The following MAN1A1 variants were observed in gnomAD, a reference collection of about 807,000 sequenced individuals.
MAN1A1 encodes mannosyl-oligosaccharide 1,2-alpha-mannosidase IA.
In MAN1A1, 29 loss-of-function variants were observed where a neutral mutation model predicts 70.8. The observed-to-expected ratio is 0.41, with a 90% CI of 0.31 to 0.56. The LOEUF is 0.56. Ranked by LOEUF, MAN1A1 falls within the 20% of genes least tolerant of loss-of-function variation. The pLI is 0.29. For synonymous variants in MAN1A1, 349 were observed against 330.1 expected, an observed-to-expected ratio of 1.06 and a Z score of -0.62; for missense variants, 747 against 841.3, an observed-to-expected ratio of 0.89 and a Z score of 1.39.
rs1440475874 is a variant in MAN1A1, at chr6:119,317,567, TTTTTAGTGTTGAATAA to T, written c.604-10591_604-10576del. Among the ~76,000 whole-genome samples the T allele has an allele frequency of 9.2e-5, 14 of 152,324 alleles. 1 individual carries two copies. The East Asian group carries it at 2.7e-3, about 29-fold the overall frequency. On this transcript the variant is annotated intron_variant, in intron 2 of 12. Coordinates refer to ENST00000368468, the MANE Select transcript of MAN1A1 (RefSeq NM_005907.4). ...CTTTTATTGCTTGATGGCTCATTTC[TTTTTAGTGTTGAATAA>T]TATTTCTTTTTAGTGCTGAATAATA...
At chr6:119,263,461 T>C (rs552116747) in intron 5 of MAN1A1, among the ~76,000 whole-genome samples, 21 of 152,192 alleles carry the variant, frequency 1.4e-4, no homozygotes, top group African/African-American at 4.6e-4. Context: ...TGAGTACATA[T>C]GGACACAAAG....
chr6:119,194,515 C>T (rs2114937582), intron 8 of MAN1A1, among the ~76,000 whole-genome samples: 1 of 152,182 alleles, frequency 6.6e-6, no homozygotes, highest in Non-Finnish European at 1.5e-5. Context: ...GTAGAGACGG[C>T]ATCTTGCTAT....
intron 5 of MAN1A1, among the ~76,000 whole-genome samples, chr6:119,257,176 A>C (rs1775482747): frequency 1.3e-5 from 2 of 152,232 alleles, no homozygotes; most frequent in Non-Finnish European, 2.9e-5. Context: ...GGAAGACAAG[A>C]GATAAAGCAA....
At chr6:119,275,112 G>A (rs1174285979) in intron 5 of MAN1A1, among the ~76,000 whole-genome samples, 2 of 151,358 alleles carry the variant, frequency 1.3e-5, no homozygotes, top group African/African-American at 4.8e-5. Flanking sequence ...GTTGCTGCTA[G>A]TTCATTTTTT....
chr6:119,315,621 A>G (rs1245605624), intron 2 of MAN1A1, among the ~76,000 whole-genome samples: 2 of 152,254 alleles, frequency 1.3e-5, no homozygotes, highest in Non-Finnish European at 1.5e-5. Context: ...ATAAAGAAAT[A>G]CTTGACCAAA....
chr6:119,246,318 G>A (rs937812731), intron 6 of MAN1A1, among the ~76,000 whole-genome samples: 7 of 152,138 alleles, frequency 4.6e-5, no homozygotes, highest in Admixed American at 2.6e-4. Flanking sequence ...CTCTAGGATT[G>A]TAAACTGGCG....
chr6:119,315,002 G>GAT, intron 2 of MAN1A1, among the ~76,000 whole-genome samples: 1 of 152,140 alleles, frequency 6.6e-6, no homozygotes, highest in Non-Finnish European at 1.5e-5. Context: ...CTACAGCTCT[G>GAT]ATATTTTCTG....
chr6:119,259,396 G>C (rs917375701), intron 5 of MAN1A1, among the ~76,000 whole-genome samples: 1 of 152,168 alleles, frequency 6.6e-6, no homozygotes, highest in Non-Finnish European at 1.5e-5. Flanking sequence ...TTATGTAGTA[G>C]TAATAGTTTG....
At chr6:119,236,958 C>T (rs552093032) in intron 6 of MAN1A1, among the ~76,000 whole-genome samples, 3 of 152,164 alleles carry the variant, frequency 2.0e-5, no homozygotes, top group African/African-American at 2.4e-5. Flanking sequence ...TTCTAACCCT[C>T]CTGGATGACT....
chr6:119,271,808 C>T (rs1045876926), intron 5 of MAN1A1, among the ~76,000 whole-genome samples: 7 of 151,982 alleles, frequency 4.6e-5, no homozygotes, highest in Non-Finnish European at 8.8e-5. Flanking sequence ...CCAGCCAACC[C>T]CCGGTTTACA....
At chr6:119,210,253 T>A (rs1170799387) in intron 6 of MAN1A1, among the ~76,000 whole-genome samples, 1 of 152,158 alleles carries the variant, frequency 6.6e-6, no homozygotes, top group Non-Finnish European at 1.5e-5. Flanking sequence ...TTGGGTAAGA[T>A]CTCCTTGCTA....
At chr6:119,180,967 G>A (rs1295863922) in intron 11 of MAN1A1, among the ~76,000 whole-genome samples, 1 of 152,116 alleles carries the variant, frequency 6.6e-6, no homozygotes, top group African/African-American at 2.4e-5. Flanking sequence ...AAACACTTCT[G>A]CCTTTAGTTT....
intron 5 of MAN1A1, among the ~76,000 whole-genome samples, chr6:119,281,572 C>A (rs944431829): frequency 7.9e-5 from 12 of 152,168 alleles, no homozygotes; most frequent in African/African-American, 2.9e-4. Context: ...GCTGCCCCAG[C>A]AGGTTGGACT....
At chr6:119,329,554 G>C (rs985375016) in intron 2 of MAN1A1, among the ~76,000 whole-genome samples, 7 of 151,880 alleles carry the variant, frequency 4.6e-5, no homozygotes, top group Non-Finnish European at 1.0e-4. Context: ...GGGAACATGT[G>C]TCTTCCTTGA....
At chr6:119,227,620 C>T (rs542080082) in intron 6 of MAN1A1, among the ~76,000 whole-genome samples, 1 of 152,130 alleles carries the variant, frequency 6.6e-6, no homozygotes, top group African/African-American at 2.4e-5. Flanking sequence ...CAGGTGCACA[C>T]CACCATGAGC....
rs569569521 is a variant in MAN1A1, at chr6:119,186,738, T to C, written c.1719+1667A>G. Among the ~76,000 whole-genome samples, 128 of 152,218 alleles carry C rather than the reference T, an allele frequency of 8.4e-4. No homozygotes were observed. The South Asian group carries it at 0.014, about 17-fold the overall frequency. Reference sequence around the variant, plus strand: ...GCTGGAGGTGGGAGCTGCAAGCATATGCGGGGCTGCTGCTGAAACACAGGA... The same window carrying C: ...GCTGGAGGTGGGAGCTGCAAGCATACGCGGGGCTGCTGCTGAAACACAGGA... On this transcript the variant is annotated intron_variant, in intron 11 of 12. Coordinates refer to ENST00000368468, the MANE Select transcript of MAN1A1 (RefSeq NM_005907.4).
chr6:119,278,489 T>C (rs1011415648), intron 5 of MAN1A1, among the ~76,000 whole-genome samples: 3 of 152,238 alleles, frequency 2.0e-5, no homozygotes, highest in Non-Finnish European at 2.9e-5. Context: ...TATGGATTTA[T>C]GAATTTTATA....
At chr6:119,274,804 TG>T (rs1776010756) in intron 5 of MAN1A1, among the ~76,000 whole-genome samples, 1 of 152,210 alleles carries the variant, frequency 6.6e-6, no homozygotes, top group Non-Finnish European at 1.5e-5. Flanking sequence ...TTTTGTTATA[TG>T]TACTCACTGG....
chr6:119,349,143 G>T lies in MAN1A1; in HGVS notation c.-78C>A. The T allele has an allele frequency of 8.0e-7, 1 of 1,253,800 alleles. No homozygotes were observed. 77.7% of individuals were successfully genotyped at this position (1,253,800 alleles called of 1,614,324 possible). A position where few individuals can be genotyped will look rare whatever the true frequency, so the allele number is the denominator to read the frequency against. ...CCGCCGCTGGGAGTCCGCGGCTGCG[G>T]GGCTGGGTCCTGCGTAGCCAGGCCG... On this transcript the variant is annotated 5_prime_UTR_variant, in exon 2 of 13. Coordinates refer to ENST00000368468, the MANE Select transcript of MAN1A1 (RefSeq NM_005907.4).
Sources: gnomAD v4.1 joint callset for allele counts (sites outside exome capture counted in the v4.1 genomes callset) on GRCh38, gnomAD v4.1.1 for gene constraint, MANE v1.5 for transcripts, NCBI Gene and HGNC (gene_info 2026-07-23, HGNC 2026-07-21) for gene names.